Variants in COL4A1 observed in about 807,000 individuals in gnomAD.
COL4A1 encodes the protein collagen alpha-1(IV) chain.
COL4A1 carries 40 observed loss-of-function variants against 216.6 expected under a neutral mutation model. That is an observed-to-expected ratio of 0.18 (90% confidence interval 0.14 to 0.24). The LOEUF is 0.24. COL4A1 is among the 10% of genes least tolerant of loss of function. The pLI, the probability that COL4A1 is intolerant of heterozygous loss-of-function variation, is 1.00. For missense variants in COL4A1, 1,628 were observed against 2,196.8 expected (o/e 0.74, Z 5.18); for synonymous variants, 839 against 810.7 (o/e 1.03, Z -0.59).
In COL4A1 at chr13:110,161,339, C is replaced by T; in HGVS notation, c.4493G>A (p.Ser1498Asn). The part of the protein sequence containing the change: ...GTAGSCLRKF[S>N]TMPFLFCNIN... ...ATTGCAGAACAGGAAGGGCATTGTG[C>T]TGAACTTGCGCAGGCAGCTGCCGGC... The change falls in exon 49 of 52, where the codon AGC becomes AAC. Residue 1498 changes from serine (S) to asparagine (N), a missense_variant. This residue lies in a region of COL4A1 where 254 missense variants were observed against 300.1 expected (regional missense o/e 0.85). Transcript: ENST00000375820. 2 of 1,613,834 alleles carry T rather than the reference C, an allele frequency of 1.2e-6. No individual in the cohort carries two copies. Among genetic ancestry groups the T allele is most frequent in the Non-Finnish European group, 1.7e-6 (2 of 1,179,852 alleles).
At chr13:110,230,894 C>T (rs762806311) in intron 2 of COL4A1, among the ~76,000 whole-genome samples, 5 of 152,206 alleles carry the variant, frequency 3.3e-5, no homozygotes, top group Non-Finnish European at 5.9e-5. Flanking sequence ...CCAGGCAGGA[C>T]AGGGCACACC....
intron 50 of COL4A1, 110 bp downstream of exon 50, chr13:110,155,173 T>TA (rs1876716401): frequency 1.2e-6 from 1 of 815,188 alleles, no homozygotes; most frequent in Non-Finnish European, 2.1e-6. Flanking sequence ...AGGAGGGGCT[T>TA]AAGCAGCGAG....
At chr13:110,247,109 A>T (rs1373243647) in intron 1 of COL4A1, among the ~76,000 whole-genome samples, 1 of 152,186 alleles carries the variant, frequency 6.6e-6, no homozygotes, top group Non-Finnish European at 1.5e-5. Context: ...TATACTCCTA[A>T]AACTGTAGAC....
At chr13:110,209,930 A>G in intron 10 of COL4A1, 50 bp downstream of exon 10, 1 of 1,571,002 alleles carries the variant, frequency 6.4e-7, no homozygotes, top group Middle Eastern at 1.7e-4. Context: ...AAACCTCAAT[A>G]TAGTTGTTTT....
At chr13:110,240,580 G>A (rs894902318) in intron 2 of COL4A1, among the ~76,000 whole-genome samples, 2 of 152,378 alleles carry the variant, frequency 1.3e-5, no homozygotes, top group Non-Finnish European at 2.9e-5. Context: ...CCTGGCCAGA[G>A]GGGGCCACCC....
chr13:110,288,271 AAAAAATAAT>A (rs1016220000), intron 1 of COL4A1, among the ~76,000 whole-genome samples: 6 of 134,708 alleles, frequency 4.5e-5, no homozygotes, highest in South Asian at 2.3e-4. Flanking sequence ...TCAAAAAAAA[AAAAAATAAT>A]AATAATAATA....
chr13:110,183,283 G>A lies in COL4A1; in HGVS notation c.1898-7C>T. 1.2e-6 allele frequency: 2 copies of A among 1,611,226 alleles called. No individual in the cohort carries two copies. Among genetic ancestry groups the A allele is most frequent in the South Asian group, 2.2e-5 (2 of 90,594 alleles). On this transcript the variant is annotated splice_region_variant and splice_polypyrimidine_tract_variant and intron_variant, in intron 26 of 51. Coordinates refer to ENST00000375820, the MANE Select transcript of COL4A1 (RefSeq NM_001845.6). The stretch of plus-strand genomic sequence containing the variant: ...CCTGGTTCACCCTTTGGACCTAGAG[G>A]AAAAAAAGAGCAAAGACAAACGATG...
Position 110,212,399 on chromosome 13 carries a change from T to G in COL4A1, c.387+18A>C. On this transcript the variant is annotated intron_variant, in intron 6 of 51. Coordinates refer to ENST00000375820, the MANE Select transcript of COL4A1 (RefSeq NM_001845.6). The stretch of plus-strand genomic sequence containing the variant: ...ACGTAAACACACACAAAAAGGAGGG[T>G]CTCGGTTCTGGATTTACCTTTGTGC... The G allele has an allele frequency of 6.2e-7, 1 of 1,612,810 alleles. No homozygotes were observed. Among genetic ancestry groups the G allele is most frequent in the Non-Finnish European group, 8.5e-7 (1 of 1,179,898 alleles).
At position 110,186,543 on chromosome 13, in the gene COL4A1, C is replaced by A. The variant is rs1878415605; in HGVS notation, c.1739G>T (p.Gly580Val). Residue 580 changes from glycine to valine, a missense_variant, in exon 26 of 52, where the codon GGA becomes GTA. Physicochemically the swap from Gly to Val is moderately radical, Grantham distance 109. Coordinates refer to ENST00000375820, the MANE Select transcript of COL4A1 (RefSeq NM_001845.6). Reference protein sequence around the residue: ...PGPKGSPGSVGLKGERGPPGG... With the variant: ...PGPKGSPGSVVLKGERGPPGG... ...AGGGGGGCCACGCTCTCCTTTCAAT[C>A]CTACAGAACCCTGATGTGAGAAGAA... The A allele has an allele frequency of 6.2e-7, 1 of 1,613,972 alleles. No individual in the cohort carries two copies. The highest frequency in any genetic ancestry group is 8.5e-7 in the Non-Finnish European group (1 of 1,180,002).
intron 1 of COL4A1, among the ~76,000 whole-genome samples, chr13:110,292,836 T>C (rs1884140554): frequency 6.6e-6 from 1 of 152,008 alleles, no homozygotes; most frequent in African/African-American, 2.4e-5. Context: ...GGTCATCAAG[T>C]CAATTATCTC....
chr13:110,152,499 C>A lies in COL4A1; in HGVS notation c.4763G>T (p.Ser1588Ile). 6.2e-7 allele frequency: 1 copy of A among 1,611,632 alleles called. No homozygotes were observed. The highest frequency in any genetic ancestry group is 8.5e-7 in the Non-Finnish European group (1 of 1,179,746). ...WIGYSFVMHT[S>I]AGAEGSGQAL... The stretch of plus-strand genomic sequence containing the variant: ...TTGGCCAGAGCCTTCTGCACCAGCG[C>A]TGGTGTGCTGCAGAACAGATGCGAG... The change falls in exon 51 of 52, where the codon AGC becomes ATC. Residue 1588 changes from serine (S) to isoleucine (I), a missense_variant. This residue lies in a region of COL4A1 where 254 missense variants were observed against 300.1 expected (regional missense o/e 0.85). Transcript: ENST00000375820.
Position 110,166,281 on chromosome 13 carries a change from G to A in COL4A1, c.3972C>T (p.Leu1324=), listed in dbSNP as rs535848796. 230 of 1,612,520 alleles carry A rather than the reference G, an allele frequency of 1.4e-4. 3 individuals carry two copies. The South Asian group carries it at 2.3e-3, about 16-fold the overall frequency. ...GFQGPKGLPG[L]QGIKGDQGDQ... ...CGCCTTGATCACCTTTAATTCCCTG[G>A]AGGCCAGGAAGACCTTTTGGACCTA... The change falls in exon 45 of 52, where the codon CTC becomes CTT. Residue 1324 remains leucine, a synonymous_variant. Coordinates refer to ENST00000375820, the MANE Select transcript of COL4A1 (RefSeq NM_001845.6).
At chr13:110,199,946 G>A (rs1355189366) in intron 20 of COL4A1, among the ~76,000 whole-genome samples, 8 of 152,300 alleles carry the variant, frequency 5.3e-5, no homozygotes, top group East Asian at 3.9e-4. Flanking sequence ...GGGAGTGGAC[G>A]AAGGCCCTGC....
intron 2 of COL4A1, among the ~76,000 whole-genome samples, chr13:110,223,261 A>T (rs1880588033): frequency 6.6e-6 from 1 of 152,216 alleles, no homozygotes; most frequent in Non-Finnish European, 1.5e-5. Context: ...ACTGCTAAAC[A>T]TCCCACTGCC....
At chr13:110,202,238 T>TAAAAAAAA (rs564963734) in intron 18 of COL4A1, among the ~76,000 whole-genome samples, 1 of 121,136 alleles carries the variant, frequency 8.3e-6, no homozygotes, top group African/African-American at 3.0e-5. Flanking sequence ...GGAACACTCT[T>TAAAAAAAA]AAAAAAAAAA....
chr13:110,192,865 C>T lies in COL4A1; in HGVS notation c.1430G>A (p.Gly477Glu), dbSNP rs1161555690. The T allele has an allele frequency of 1.9e-6, 3 of 1,614,100 alleles. No individual in the cohort carries two copies. Among genetic ancestry groups the T allele is most frequent in the Non-Finnish European group, 2.5e-6 (3 of 1,179,984 alleles). Residue 477 changes from glycine (G) to glutamate (E), a missense_variant, in exon 23 of 52, where the codon GGG (glycine) becomes GAG (glutamate). Gly to Glu is a moderately conservative substitution (Grantham distance 98). Transcript: ENST00000375820. ...CLICDIDGYR[G>E]PPGPQGPPGE... is the part of the protein sequence containing the mutation. ...CGGGGGTCCCTGTGGCCCGGGAGGC[C>T]CCCGATATCCGTCTATATCACAGAT...
At chr13:110,210,064 T>G (rs755879119) in intron 9 of COL4A1, 22 bp from the exon 10 acceptor site, 4 of 1,613,878 alleles carry the variant, frequency 2.5e-6, no homozygotes, top group African/African-American at 1.3e-5. Flanking sequence ...GAGAAAGAAA[T>G]GAGTTCAGAT....
chr13:110,303,419 A>C (rs1884570897), intron 1 of COL4A1, among the ~76,000 whole-genome samples: 1 of 152,120 alleles, frequency 6.6e-6, no homozygotes, highest in Admixed American at 6.6e-5. Context: ...CACCCCTCTG[A>C]GAGCAAAGTT....
chr13:110,166,439 AC>A, intron 44 of COL4A1, 136 bp from the exon 45 acceptor site: 1 of 738,426 alleles, frequency 1.4e-6, no homozygotes, highest in Non-Finnish European at 2.5e-6. Flanking sequence ...ACACACATAT[AC>A]TCATATATGC....
Sources: gnomAD v4.1 joint callset for allele counts (sites outside exome capture counted in the v4.1 genomes callset) on GRCh38, gnomAD v4.1.1 for gene constraint, gnomAD v4.1.1 regional missense constraint, MANE v1.5 for transcripts, NCBI Gene and HGNC (gene_info 2026-07-23, HGNC 2026-07-21) for gene names.